Variants in MUC5B observed in about 807,000 individuals in gnomAD.
MUC5B encodes mucin-5B.
In MUC5B, 116 loss-of-function variants were observed where a neutral mutation model predicts 376.9. The ratio of observed to expected loss-of-function variants is 0.31; its 90% CI spans 0.26 to 0.36. The LOEUF (loss-of-function observed/expected upper bound fraction) is 0.36. Ranked by LOEUF, MUC5B falls within the 10% of genes least tolerant of loss-of-function variation. The pLI is 1.00. For synonymous variants in MUC5B, 3,517 were observed against 3,390.9 expected (o/e 1.04, Z -1.29); for missense variants, 7,165 against 7,769.9 (o/e 0.92, Z 2.93).
At chr11:1,233,400 G>A in intron 18 of MUC5B, 132 bp downstream of exon 18, 6 of 1,074,010 alleles carry the variant, frequency 5.6e-6, no homozygotes, top group Non-Finnish European at 7.8e-6. Context: ...GTGGGGCAGG[G>A]TGGACCCAGC....
intron 47 of MUC5B, 57 bp from the exon 48 acceptor site, chr11:1,260,569 C>A: frequency 6.5e-7 from 1 of 1,532,666 alleles, no homozygotes; most frequent in Non-Finnish European, 9.0e-7. Context: ...CCCAGCAAGT[C>A]CAGGCCCTCA....
chr11:1,242,334 G>C lies in MUC5B; in HGVS notation c.5454G>C (p.Gly1818=). ...CTTTTGAAAACATCAGGGCTGCTGGGGGCAAGATGTGCTGGGCACCAAAGA... is the reference window on the plus strand; with the variant it reads ...CTTTTGAAAACATCAGGGCTGCTGGCGGCAAGATGTGCTGGGCACCAAAGA... ...METFENIRAA[G]GKMCWAPKSI... Residue 1818 remains glycine, a synonymous_variant, in exon 31 of 49, where the codon GGG becomes GGC. Coordinates refer to ENST00000529681, the MANE Select transcript of MUC5B (RefSeq NM_002458.3). 6.2e-7 allele frequency: 1 copy of C among 1,613,896 alleles called. No individual in the cohort carries two copies. The highest frequency in any genetic ancestry group is 2.2e-5 in the East Asian group (1 of 44,886).
At chr11:1,227,900 C>T in intron 7 of MUC5B, 119 bp downstream of exon 7, 1 of 613,592 alleles carries the variant, frequency 1.6e-6, no homozygotes, top group Non-Finnish European at 3.0e-6. Context: ...TGGAGGGAGG[C>T]CGGGCAGCCA....
rs576699650 is a variant in MUC5B at position 1,234,937 on chromosome 11, G to C, written c.2631-148G>C. The C allele has an allele frequency of 2.3e-5, 28 of 1,205,902 alleles. No homozygotes were observed. The highest frequency in any genetic ancestry group is 2.9e-4 in the Middle Eastern group (1 of 3,468). 74.7% of individuals were successfully genotyped at this position (1,205,902 alleles called of 1,614,324 possible). ...GCTGCGTGCCCTGCATTCACAGTGGGGGACACCACTTCTTCCACGGAGGAG... is the reference window on the plus strand; with the variant it reads ...GCTGCGTGCCCTGCATTCACAGTGGCGGACACCACTTCTTCCACGGAGGAG... On this transcript the variant is annotated intron_variant, in intron 21 of 48. Coordinates refer to ENST00000529681, the MANE Select transcript of MUC5B (RefSeq NM_002458.3). This position sits in a 1 kb window ranked among gnomAD's most constrained non-coding sequence, Gnocchi z 6.3.
At position 1,246,329 on chromosome 11, in the gene MUC5B, C is replaced by G; in HGVS notation, c.9449C>G (p.Pro3150Arg). The G allele has an allele frequency of 6.2e-7, 1 of 1,602,086 alleles. No homozygotes were observed. The highest frequency in any genetic ancestry group is 1.1e-5 in the South Asian group (1 of 90,170). Residue 3150 changes from proline to arginine, a missense_variant, in exon 31 of 49, where the codon CCC (proline) becomes CGC (arginine). Physicochemically the swap from Pro to Arg is moderately radical, Grantham distance 103. Around this residue, in one of 31 missense-constraint regions of MUC5B, gnomAD observed 939 missense variants for 770.6 expected, o/e 1.22. Coordinates refer to ENST00000529681, the MANE Select transcript of MUC5B (RefSeq NM_002458.3). Reference protein sequence around the residue: ...TAATTTAATGPTATPSSTPGT... With the variant: ...TAATTTAATGRTATPSSTPGT... ...GCCACTACAACTGCAGCCACTGGCC[C>G]CACGGCCACCCCGTCCTCCACCCCA... is the stretch of plus-strand genomic sequence containing the variant.
In MUC5B at chr11:1,234,247, C is replaced by G; in HGVS notation, c.2420C>G (p.Ser807Trp). The change falls in exon 20 of 49, where the codon TCG becomes TGG. Residue 807 changes from serine to tryptophan, a missense_variant. Coordinates refer to ENST00000529681, the MANE Select transcript of MUC5B (RefSeq NM_002458.3). This position sits in a 1 kb window ranked among gnomAD's most constrained non-coding sequence, Gnocchi z 6.3. ...GTGTACCTGGACTGCAGCAACAGCT[C>G]GGCGGGCACCCCTGGGGCCGAGTGC... ...PMVYLDCSNS[S>W]AGTPGAECLR... The G allele has an allele frequency of 6.2e-7, 1 of 1,603,340 alleles. No individual in the cohort carries two copies. Among genetic ancestry groups the G allele is most frequent in the Non-Finnish European group, 8.5e-7 (1 of 1,176,326 alleles).
At chr11:1,228,786 C>A in intron 8 of MUC5B, 21 bp downstream of exon 8, 1 of 1,462,596 alleles carries the variant, frequency 6.8e-7, no homozygotes. Context: ...CCAGGGCCTT[C>A]GCCAGGGATT....
Position 1,226,851 on chromosome 11 carries a change from G to A in MUC5B, c.436G>A (p.Gly146Ser), listed in dbSNP as rs368203418. The A allele has an allele frequency of 5.0e-5, 80 of 1,607,762 alleles. No homozygotes were observed. The highest frequency in any genetic ancestry group is 6.2e-5 in the Non-Finnish European group (73 of 1,179,632). The change falls in exon 4 of 49, where the codon GGC (glycine) becomes AGC (serine). Residue 146 changes from glycine to serine, a missense_variant. By Grantham distance (56) the Gly-to-Ser change is moderately conservative. This residue lies in a region of MUC5B where 640 missense variants were observed against 733.0 expected (regional missense o/e 0.87). Coordinates refer to ENST00000529681, the MANE Select transcript of MUC5B (RefSeq NM_002458.3). ...AQGLVLEASN[G>S]SVLINGQREE... Reference sequence around the variant, plus strand: ...GGGGCTGGTGCTGGAGGCGTCCAACGGCTCCGTCCTCATCAATGGGCAGCG... The same window carrying A: ...GGGGCTGGTGCTGGAGGCGTCCAACAGCTCCGTCCTCATCAATGGGCAGCG...
chr11:1,227,031 G>A lies in MUC5B; in HGVS notation c.462G>A (p.Arg154=). 1.2e-6 allele frequency: 2 copies of A among 1,607,926 alleles called. No homozygotes were observed. Among genetic ancestry groups the A allele is most frequent in the Non-Finnish European group, 1.7e-6 (2 of 1,177,062 alleles). ...GGGAGAGACCCCGCTGTCTGCGCAG[G>A]GAGGAGCTGCCTTACAGCCGCACTG... ...SNGSVLINGQ[R]EELPYSRTGL... is the part of the protein sequence containing the mutation. Residue 154 remains arginine, a splice_region_variant and synonymous_variant, in exon 5 of 49, where the codon CGG becomes CGA. Coordinates refer to ENST00000529681, the MANE Select transcript of MUC5B (RefSeq NM_002458.3).
chr11:1,228,834 C>A, intron 8 of MUC5B, 69 bp downstream of exon 8: 3 of 1,232,258 alleles, frequency 2.4e-6, no homozygotes, highest in Non-Finnish European at 3.2e-6. Flanking sequence ...GCCTTGGGGG[C>A]CACTGGGGGT....
rs544948966 is a variant in MUC5B at position 1,247,636 on chromosome 11, C to T, written c.10756C>T (p.Pro3586Ser). ...AWSEWLDYSY[P>S]MPGPSGGDFD... ...GTCAGAGTGGCTGGACTACAGCTAC[C>T]CCATGCCGGGGCCCTCTGGCGGGGA... Residue 3586 changes from proline (P) to serine (S), a missense_variant, in exon 31 of 49, where the codon CCC becomes TCC. Transcript: ENST00000529681. The T allele has an allele frequency of 1.1e-4, 175 of 1,609,002 alleles. No individual in the cohort carries two copies. The East Asian group carries it at 2.7e-3, about 25-fold the overall frequency.
chr11:1,239,653 G>A, intron 27 of MUC5B, 87 bp downstream of exon 27: 3 of 1,501,402 alleles, frequency 2.0e-6, no homozygotes, highest in Non-Finnish European at 2.7e-6. Flanking sequence ...GGGACGCGGT[G>A]TAGGCTCCCG....
chr11:1,243,168 G>A lies in MUC5B; in HGVS notation c.6288G>A (p.Pro2096=), dbSNP rs373005033. The part of the protein sequence containing the change: ...RGSTVTPSSI[P]GTTHTATVLT... ...CCACGGTGACCCCCTCCTCCATCCC[G>A]GGGACCACCCACACCGCCACAGTGC... The change falls in exon 31 of 49, where the codon CCG becomes CCA. Residue 2096 remains proline (P), a synonymous_variant. Transcript: ENST00000529681. The A allele has an allele frequency of 9.9e-5, 159 of 1,606,718 alleles. No individual in the cohort carries two copies. Among genetic ancestry groups the A allele is most frequent in the African/African-American group, 9.7e-4 (72 of 74,200 alleles).
chr11:1,251,642 T>C lies in MUC5B; in HGVS notation c.14762T>C (p.Val4921Ala), dbSNP rs769113702. Residue 4921 changes from valine (V) to alanine (A), a missense_variant, in exon 31 of 49, where the codon GTG becomes GCG. By Grantham distance (64) the Val-to-Ala change is moderately conservative (BLOSUM62 0). Transcript: ENST00000529681. The part of the protein sequence containing the change: ...SSLPTFSVST[V>A]SSSVLTTLRP... ...CTGCCAACCTTCAGCGTGTCCACTG[T>C]GTCCTCCTCAGTCCTCACCACCCTG... The C allele has an allele frequency of 9.9e-6, 16 of 1,613,014 alleles. No individual in the cohort carries two copies. The highest frequency in any genetic ancestry group is 1.3e-5 in the Non-Finnish European group (15 of 1,179,814).
At chr11:1,260,762 C>A in intron 48 of MUC5B, 34 bp downstream of exon 48, 2 of 1,519,788 alleles carry the variant, frequency 1.3e-6, no homozygotes, top group Non-Finnish European at 1.8e-6. Context: ...CCAAGAGCAC[C>A]TGCGTGTGGT....
intron 34 of MUC5B, 83 bp downstream of exon 34, chr11:1,254,434 G>C (rs1299794266): frequency 1.3e-6 from 2 of 1,544,260 alleles, no homozygotes; most frequent in Admixed American, 3.6e-5. Context: ...GGGTGACCCA[G>C]GTGCCGCAGC....
rs1458607161 is a variant in MUC5B, at chr11:1,248,694, A to C, written c.11814A>C (p.Thr3938=). 1 of 1,578,366 alleles carries C rather than the reference A, an allele frequency of 6.3e-7. No homozygotes were observed. Among genetic ancestry groups the C allele is most frequent in the Non-Finnish European group, 8.6e-7 (1 of 1,163,062 alleles). ...TGSMATPSSS[T]QTSGTPPSLI... ...CTATGGCAACACCCTCCTCTAGCAC[A>C]CAGACCAGTGGTACTCCCCCATCAC... The change falls in exon 31 of 49, where the codon ACA becomes ACC. Residue 3938 remains threonine, a synonymous_variant. Coordinates refer to ENST00000529681, the MANE Select transcript of MUC5B (RefSeq NM_002458.3).
intron 44 of MUC5B, 104 bp downstream of exon 44, chr11:1,259,165 A>C (rs1590193804): frequency 1.7e-6 from 2 of 1,147,940 alleles, no homozygotes; most frequent in Non-Finnish European, 2.4e-6. Flanking sequence ...ACCCGCCCCC[A>C]GGTGAGCCCC....
At position 1,240,969 on chromosome 11, in the gene MUC5B, C is replaced by G. The variant is rs1461427497; in HGVS notation, c.4089C>G (p.Asn1363Lys). The G allele has an allele frequency of 6.2e-7, 1 of 1,613,464 alleles. No individual in the cohort carries two copies. Among genetic ancestry groups the G allele is most frequent in the Non-Finnish European group, 8.5e-7 (1 of 1,179,842 alleles). Residue 1363 changes from asparagine (N) to lysine (K), a missense_variant, in exon 31 of 49, where the codon AAC becomes AAG. This residue lies in a region of MUC5B where 517 missense variants were observed against 545.3 expected (regional missense o/e 0.95). Transcript: ENST00000529681. ...GCGGAGACTTTGAGACGTTTGAAAA[C>G]CTGAGGCAGAGAGGGTACCAGGTAT... ...LGGGDFETFE[N>K]LRQRGYQVCP...
Sources: allele counts gnomAD v4.1 joint callset, GRCh38; gene constraint gnomAD v4.1.1; regional missense constraint gnomAD v4.1.1; non-coding constraint Gnocchi (gnomAD v3.1); transcripts MANE v1.5; gene names NCBI Gene and HGNC (gene_info 2026-07-23, HGNC 2026-07-21).